The following CBLL1 variants were observed in gnomAD, a reference collection of about 807,000 sequenced individuals.
CBLL1 encodes the protein Cbl proto-oncogene like 1.
CBLL1 carries 4 observed loss-of-function variants against 44.9 expected under a neutral mutation model. That is an observed-to-expected ratio of 0.09 (90% CI 0.04 to 0.20). The LOEUF is 0.20. Among genes scored for constraint, CBLL1 ranks in the 10% least tolerant of loss-of-function variants. The pLI is 1.00. For synonymous variants in CBLL1, 235 were observed against 202.2 expected, an observed-to-expected ratio of 1.16 and a Z score of -1.38; for missense variants, 569 against 636.7, an observed-to-expected ratio of 0.89 and a Z score of 1.14.
intron 2 of CBLL1, among the ~76,000 whole-genome samples, chr7:107,752,801 C>T (rs1041598423): frequency 6.6e-6 from 1 of 152,080 alleles, no homozygotes; most frequent in African/African-American, 2.4e-5. Flanking sequence ...CATGAGAATA[C>T]GATATGGCTC....
intron 2 of CBLL1, among the ~76,000 whole-genome samples, chr7:107,749,995 G>T (rs187593463): frequency 6.6e-6 from 1 of 152,052 alleles, no homozygotes; most frequent in African/African-American, 2.4e-5. Flanking sequence ...TTACTCTGTT[G>T]CCTGGGCTGG....
intron 1 of CBLL1, chr7:107,744,614 T>C (rs1477003105): frequency 5.6e-6 from 1 of 180,004 alleles, no homozygotes; most frequent in Non-Finnish European, 1.2e-5. Flanking sequence ...TCAGTCAGCT[T>C]TGGGCGGGTG....
rs566585142 is a variant in CBLL1 at position 107,751,474 on chromosome 7, A to C, written c.182-1937A>C. On this transcript the variant is annotated intron_variant, in intron 2 of 5. Transcript: ENST00000440859. Reference sequence around the variant, plus strand: ...AATTTGTCTGTATTTATTTTGTAGAATCAAACTGCTTTAGTTACAACATAT... The same window carrying C: ...AATTTGTCTGTATTTATTTTGTAGACTCAAACTGCTTTAGTTACAACATAT... Among the ~76,000 whole-genome samples, 9 of 152,284 alleles carry C rather than the reference A, an allele frequency of 5.9e-5. No individual in the cohort carries two copies. The East Asian group carries it at 1.7e-3, about 29-fold the overall frequency.
At chr7:107,753,229 A>G (rs1333722505) in intron 2 of CBLL1, among the ~76,000 whole-genome samples, 182 bp from the exon 3 acceptor site, 2 of 152,234 alleles carry the variant, frequency 1.3e-5, no homozygotes, top group Non-Finnish European at 2.9e-5. Flanking sequence ...GAGTTGGACT[A>G]GATCACCAAG....
rs1387610828 is a variant in CBLL1, at chr7:107,760,755, A to G, written c.*1577A>G. 6.6e-6 allele frequency: 1 copy of G among 152,164 alleles called. No homozygotes were observed. The allele number at this position is 152,164 out of a possible 1,614,324, so 9.4% of individuals were successfully genotyped here. On this transcript the variant is annotated 3_prime_UTR_variant, in exon 6 of 6. Transcript: ENST00000440859. ...TTGACAAAGGGTGATCTGATTGCTA[A>G]TTTACCATTTTATTCTGTCAGGTAC...
In CBLL1 at chr7:107,755,349, CTA is replaced by C. The variant is rs950404578; in HGVS notation, c.367-57_367-56del. The C allele has an allele frequency of 1.5e-3, 1,038 of 683,462 alleles. 1 individual carries two copies. The highest frequency in any genetic ancestry group is 2.9e-3 in the Middle Eastern group (6 of 2,084). 42.3% of individuals were successfully genotyped at this position (683,462 alleles called of 1,614,324 possible). ...TCTTCTAAGCCTTATGTATAGGTTA[CTA>C]TATATATATATTTTAAAAATATTAT... On this transcript the variant is annotated intron_variant, in intron 4 of 5. Transcript: ENST00000440859.
chr7:107,749,237 C>T, intron 2 of CBLL1, 190 bp downstream of exon 2: 1 of 450,972 alleles, frequency 2.2e-6, no homozygotes, highest in South Asian at 5.2e-5. Flanking sequence ...GATTTGGTTC[C>T]TTTTGTTGTT....
At chr7:107,752,420 T>C (rs2285546) in intron 2 of CBLL1, 2 of 357,082 alleles carry the variant, frequency 5.6e-6, no homozygotes, top group South Asian at 4.8e-5. Flanking sequence ...GCATCATTGT[T>C]TGTGTGTTAA....
Position 107,760,210 on chromosome 7 carries a change from A to T in CBLL1, c.*1032A>T, listed in dbSNP as rs1793712987. 1 of 152,230 alleles carries T rather than the reference A, an allele frequency of 6.6e-6. No homozygotes were observed. Among genetic ancestry groups the T allele is most frequent in the Non-Finnish European group, 1.5e-5 (1 of 67,974 alleles). 9.4% of individuals were successfully genotyped at this position (152,230 alleles called of 1,614,324 possible). A position where few individuals can be genotyped will look rare whatever the true frequency, so the allele number is the denominator to read the frequency against. The stretch of plus-strand genomic sequence containing the variant: ...TCTTGTTTATAGGATTTTCAACTAC[A>T]GTTTGAATGCCATGGAGGAATTTGA... On this transcript the variant is annotated 3_prime_UTR_variant, in exon 6 of 6. Transcript: ENST00000440859.
At chr7:107,752,446 C>CTG (rs3216898) in intron 2 of CBLL1, 93,397 of 398,248 alleles carry the variant, frequency 0.23, 7,872 homozygotes, top group South Asian at 0.35. Context: ...ATGTGTCTCT[C>CTG]TGTGTGTGTG....
rs1358598977 is a variant in CBLL1, at chr7:107,759,453, T to TA, written c.*281dup. 6.8e-6 allele frequency: 2 copies of TA among 293,948 alleles called. No individual in the cohort carries two copies. The highest frequency in any genetic ancestry group is 2.2e-5 in the African/African-American group (1 of 46,266). 18.2% of individuals were successfully genotyped at this position (293,948 alleles called of 1,614,324 possible). A position where few individuals can be genotyped will look rare whatever the true frequency, so the allele number is the denominator to read the frequency against. ...AAATTGACCCAGAGGTGACCATTTG[T>TA]AAAAAATTTGAAAAAATTTTTCATT... is the stretch of plus-strand genomic sequence containing the variant. On this transcript the variant is annotated 3_prime_UTR_variant, in exon 6 of 6. Coordinates refer to ENST00000440859, the MANE Select transcript of CBLL1 (RefSeq NM_024814.4).
Position 107,761,060 on chromosome 7 carries a change from G to A in CBLL1, c.*1882G>A, listed in dbSNP as rs1018289785. ...TTCTATCATATTACTGTAGGTACTT[G>A]GACTGGTGCAAACTTGATTCCTTTT... On this transcript the variant is annotated 3_prime_UTR_variant, in exon 6 of 6. Transcript: ENST00000440859. 6.6e-6 allele frequency: 1 copy of A among 152,142 alleles called. No individual in the cohort carries two copies. Among genetic ancestry groups the A allele is most frequent in the Non-Finnish European group, 1.5e-5 (1 of 67,910 alleles). The allele number at this position is 152,142 out of a possible 1,614,324, so 9.4% of individuals were successfully genotyped here. A position where few individuals can be genotyped will look rare whatever the true frequency, so the allele number is the denominator to read the frequency against.
chr7:107,749,777 CT>C (rs1793193011), intron 2 of CBLL1, among the ~76,000 whole-genome samples: 1 of 151,550 alleles, frequency 6.6e-6, no homozygotes. Context: ...TACTAGAAAC[CT>C]TTTAAAATTT....
intron 3 of CBLL1, 64 bp from the exon 4 acceptor site, chr7:107,753,831 C>A (rs1793414207): frequency 3.0e-6 from 3 of 1,010,264 alleles, no homozygotes; most frequent in South Asian, 3.5e-5. Flanking sequence ...TTGACCAATT[C>A]ATTGTGTAGA....
At chr7:107,751,346 G>A (rs531577950) in intron 2 of CBLL1, among the ~76,000 whole-genome samples, 3 of 152,270 alleles carry the variant, frequency 2.0e-5, no homozygotes, top group Admixed American at 1.3e-4. Context: ...CTGTGTGGCC[G>A]CATTCCTAAC....
intron 1 of CBLL1, among the ~76,000 whole-genome samples, chr7:107,747,150 C>G (rs10255946): frequency 6.6e-6 from 1 of 151,830 alleles, no homozygotes; most frequent in Non-Finnish European, 1.5e-5. Context: ...CAAAGAAACC[C>G]AGAATGTTAT....
chr7:107,752,198 C>CAAAAAAA (rs796995157), intron 2 of CBLL1, among the ~76,000 whole-genome samples: 1 of 56,218 alleles, frequency 1.8e-5, no homozygotes, highest in African/African-American at 5.6e-5. Context: ...GACTCTGTCT[C>CAAAAAAA]AAAAAAAAAA....
At chr7:107,754,049 GT>G in intron 4 of CBLL1, 71 bp downstream of exon 4, 1 of 877,338 alleles carries the variant, frequency 1.1e-6, no homozygotes, top group African/African-American at 1.7e-5. Context: ...ATTTAGATAG[GT>G]TTATCATTGT....
chr7:107,749,003 G>A lies in CBLL1; in HGVS notation c.137G>A (p.Arg46Lys), dbSNP rs759709977. The change falls in exon 2 of 6, where the codon AGA (arginine) becomes AAA (lysine). Residue 46 changes from arginine to lysine, a missense_variant. Transcript: ENST00000440859. ...GCGAAACCTGCACCGCGAACTCAAA[G>A]AACTATAAACAGGATGCCTGCAAAG... ...NKAKPAPRTQ[R>K]TINRMPAKAP... The A allele has an allele frequency of 3.7e-6, 6 of 1,614,138 alleles. No individual in the cohort carries two copies. Among genetic ancestry groups the A allele is most frequent in the Non-Finnish European group, 4.2e-6 (5 of 1,180,000 alleles).
Sources: allele counts gnomAD v4.1 joint callset (sites outside exome capture counted in the v4.1 genomes callset), GRCh38; gene constraint gnomAD v4.1.1; transcripts MANE v1.5; gene names NCBI Gene and HGNC (gene_info 2026-07-23, HGNC 2026-07-21).